C10orf90: variants seen among roughly 807,000 people sequenced by gnomAD.
The protein encoded by C10orf90 is chromosome 10 open reading frame 90, also known as (E2-independent) E3 ubiquitin-conjugating enzyme FATS.
Under a neutral mutation model 62.5 loss-of-function variants are expected in C10orf90, and 56 were observed. The ratio of observed to expected loss-of-function variants is 0.90; its 90% CI spans 0.72 to 1.12. C10orf90 has a LOEUF of 1.12. C10orf90 is among the 50% of genes most tolerant of loss of function. The pLI, the probability that C10orf90 is intolerant of heterozygous loss-of-function variation, is 0.00. For missense variants in C10orf90, 970 were observed against 880.4 expected, an observed-to-expected ratio of 1.10 and a Z score of -1.29; for synonymous variants, 386 against 340.4, an observed-to-expected ratio of 1.13 and a Z score of -1.47.
At chr10:126,441,565 G>C (rs903126536) in intron 7 of C10orf90, among the ~76,000 whole-genome samples, 1 of 152,110 alleles carries the variant, frequency 6.6e-6, no homozygotes, top group African/African-American at 2.4e-5. Context: ...AAAGATCATC[G>C]CCTAGGCACA....
Position 126,465,593 on chromosome 10 carries a change from G to A in C10orf90, c.1535-607C>T, listed in dbSNP as rs951863726. On this transcript the variant is annotated intron_variant, in intron 4 of 9. Coordinates refer to ENST00000488181, the MANE Select transcript of C10orf90 (RefSeq NM_001350921.2). ...TGATTACTATTGCAGAAGCATTGGT[G>A]CTGAGTTACGTACTATGGCGAATAC... Among the ~76,000 whole-genome samples the A allele has an allele frequency of 3.3e-5, 5 of 152,122 alleles. No homozygotes were observed. In the South Asian group the frequency reaches 8.3e-4, roughly 25 times the overall value.
At chr10:126,629,521 C>T (rs1014724024) in intron 2 of C10orf90, among the ~76,000 whole-genome samples, 1 of 152,128 alleles carries the variant, frequency 6.6e-6, no homozygotes, top group Admixed American at 6.5e-5. Context: ...GAGCAGGAGA[C>T]AGAGCTACCA....
chr10:126,656,535 A>G (rs538652774), intron 1 of C10orf90, among the ~76,000 whole-genome samples: 3 of 152,326 alleles, frequency 2.0e-5, no homozygotes, highest in South Asian at 4.1e-4. Context: ...GCCTCAGTAG[A>G]ACATCATTTC....
At chr10:126,624,845 G>T (rs1845711937) in intron 2 of C10orf90, among the ~76,000 whole-genome samples, 1 of 152,100 alleles carries the variant, frequency 6.6e-6, no homozygotes, top group South Asian at 2.1e-4. Flanking sequence ...TTCCCCACAA[G>T]GTTGCCCGCA....
intron 7 of C10orf90, among the ~76,000 whole-genome samples, chr10:126,440,156 G>A (rs1292891671): frequency 2.0e-5 from 3 of 152,028 alleles, no homozygotes; most frequent in Non-Finnish European, 4.4e-5. Flanking sequence ...GTAGCTTGGG[G>A]CAAGTTCTTA....
intron 2 of C10orf90, among the ~76,000 whole-genome samples, chr10:126,611,882 C>T (rs1425540663): frequency 6.6e-6 from 1 of 152,186 alleles, no homozygotes; most frequent in Non-Finnish European, 1.5e-5. Flanking sequence ...TTCACAATGG[C>T]ACAAATCCCA....
chr10:126,570,707 G>A (rs1025373646), intron 2 of C10orf90, among the ~76,000 whole-genome samples: 1 of 152,042 alleles, frequency 6.6e-6, no homozygotes, highest in South Asian at 2.1e-4. Context: ...AAACAAGAAT[G>A]CCACCACTTC....
intron 2 of C10orf90, among the ~76,000 whole-genome samples, chr10:126,551,711 C>T (rs1864635470): frequency 6.6e-6 from 1 of 152,044 alleles, no homozygotes; most frequent in Admixed American, 6.5e-5. Flanking sequence ...TATATTGTCT[C>T]AAAGAAAAAG....
rs1860211915 is a variant in C10orf90, at chr10:126,465,128, A to G, written c.1535-142T>C. 6.3e-6 allele frequency: 5 copies of G among 787,774 alleles called. No homozygotes were observed. In the South Asian group the frequency reaches 7.4e-5, roughly 12 times the overall value. 48.8% of individuals were successfully genotyped at this position (787,774 alleles called of 1,614,324 possible). A position where few individuals can be genotyped will look rare whatever the true frequency, so the allele number is the denominator to read the frequency against. On this transcript the variant is annotated intron_variant, in intron 4 of 9. Transcript: ENST00000488181. ...AAGTTCAGTTAGGAGGGCCATCTGT[A>G]TACAGTGCTGTCTTGGATTGGGCTT... is the stretch of plus-strand genomic sequence containing the variant.
chr10:126,666,935 G>A (rs548963935), intron 1 of C10orf90, among the ~76,000 whole-genome samples: 75 of 150,866 alleles, frequency 5.0e-4, no homozygotes, highest in African/African-American at 1.7e-3. Context: ...AGCCAAGATC[G>A]TGCCACTGCA....
rs542350563 is a variant in C10orf90, at chr10:126,643,905, C to CGGCCATG, written c.313+2653_313+2659dup. ...CTGTTCTTTCCCGAGGCAGAAAGGCCGGCCATGGAGAGCCCAGAGGGCACA... is the reference window on the plus strand; with the variant it reads ...CTGTTCTTTCCCGAGGCAGAAAGGCCGGCCATGGGCCATGGAGAGCCCAGAGGGCACA... On this transcript the variant is annotated intron_variant, in intron 2 of 9. Coordinates refer to ENST00000488181, the MANE Select transcript of C10orf90 (RefSeq NM_001350921.2). 3.4e-3 allele frequency among the ~76,000 whole-genome samples: 523 copies of CGGCCATG among 152,300 alleles called. 2 individuals are homozygous for CGGCCATG. The highest frequency in any genetic ancestry group is 6.8e-3 in the Middle Eastern group (2 of 294).
intron 2 of C10orf90, among the ~76,000 whole-genome samples, chr10:126,553,771 C>T (rs1363842489): frequency 1.3e-5 from 2 of 152,068 alleles, no homozygotes; most frequent in African/African-American, 2.4e-5. Context: ...AAACACCTAA[C>T]GACACGTTTC....
At position 126,456,969 on chromosome 10, in the gene C10orf90, T is replaced by G. The variant is rs1424311195; in HGVS notation, c.2188+2071A>C. ...CAAGAAAGTAAGTTTCTGGGCTTGT[T>G]TTGTTTTTGTTTTTGCTTTTGTATT... On this transcript the variant is annotated intron_variant, in intron 7 of 9. Coordinates refer to ENST00000488181, the MANE Select transcript of C10orf90 (RefSeq NM_001350921.2). The surrounding 1 kb of genome is among the most constrained non-coding windows in gnomAD (Gnocchi z 4.9). 1.3e-5 allele frequency among the ~76,000 whole-genome samples: 2 copies of G among 152,054 alleles called. No individual in the cohort carries two copies. Among genetic ancestry groups the G allele is most frequent in the African/African-American group, 4.8e-5 (2 of 41,400 alleles).
intron 2 of C10orf90, among the ~76,000 whole-genome samples, chr10:126,564,333 G>T (rs1256235292): frequency 2.0e-5 from 3 of 152,026 alleles, no homozygotes; most frequent in Non-Finnish European, 4.4e-5. Flanking sequence ...TCTAGAAGTG[G>T]TGACTCTAAC....
chr10:126,570,997 A>G (rs1844493832), intron 2 of C10orf90, among the ~76,000 whole-genome samples: 1 of 152,120 alleles, frequency 6.6e-6, no homozygotes, highest in Non-Finnish European at 1.5e-5. Context: ...CATCCCATCC[A>G]TTTCACAAAC....
chr10:126,425,557 A>G lies in C10orf90; in HGVS notation c.*307T>C. The G allele has an allele frequency of 2.6e-6, 1 of 389,874 alleles. No homozygotes were observed. The highest frequency in any genetic ancestry group is 4.5e-6 in the Non-Finnish European group (1 of 220,458). 24.2% of individuals were successfully genotyped at this position (389,874 alleles called of 1,614,324 possible). On this transcript the variant is annotated 3_prime_UTR_variant, in exon 10 of 10. Transcript: ENST00000488181. ...CAGGCCTCTCTGATGGGCAGGAAAC[A>G]GCAGGGGAGAAGAAATCAGAAGCAA... is the stretch of plus-strand genomic sequence containing the variant.
chr10:126,556,830 G>A (rs1413956753), intron 2 of C10orf90, among the ~76,000 whole-genome samples: 1 of 152,024 alleles, frequency 6.6e-6, no homozygotes, highest in Non-Finnish European at 1.5e-5. Flanking sequence ...CAAACACTGT[G>A]AACACAGGTT....
chr10:126,478,592 C>G (rs1169722976), intron 4 of C10orf90, among the ~76,000 whole-genome samples: 3 of 152,140 alleles, frequency 2.0e-5, no homozygotes, highest in African/African-American at 7.2e-5. Context: ...CACCTCTCAC[C>G]CCCGTGCTCA....
At chr10:126,602,267 C>T (rs1435981277) in intron 2 of C10orf90, among the ~76,000 whole-genome samples, 2 of 152,166 alleles carry the variant, frequency 1.3e-5, no homozygotes, top group Non-Finnish European at 2.9e-5. Context: ...ACTGAACACC[C>T]GTCTTGACAA....
Sources: allele counts gnomAD v4.1 joint callset (sites outside exome capture counted in the v4.1 genomes callset), GRCh38; gene constraint gnomAD v4.1.1; non-coding constraint Gnocchi (gnomAD v3.1); transcripts MANE v1.5; gene names NCBI Gene and HGNC (gene_info 2026-07-23, HGNC 2026-07-21).